CTNNA3: variants seen among roughly 807,000 people sequenced by gnomAD.
CTNNA3 encodes catenin alpha 3.
In CTNNA3, 76 loss-of-function variants were observed where a neutral mutation model predicts 95.7. The ratio of observed to expected loss-of-function variants is 0.79; its 90% CI spans 0.66 to 0.96. The LOEUF (loss-of-function observed/expected upper bound fraction) is 0.96, where lower values mean the gene tolerates loss of function less well. Ranked by LOEUF, CTNNA3 falls within the 40% of genes least tolerant of loss-of-function variation. The pLI is 0.00. For synonymous variants in CTNNA3, 431 were observed against 374.4 expected, an observed-to-expected ratio of 1.15 and a Z score of -1.74; for missense variants, 1,191 against 1,089.8, an observed-to-expected ratio of 1.09 and a Z score of -1.31.
chr10:67,119,086 GA>G (rs2131988411), intron 7 of CTNNA3, among the ~76,000 whole-genome samples: 1 of 151,992 alleles, frequency 6.6e-6, no homozygotes, highest in South Asian at 2.1e-4. Flanking sequence ...AAATACTAAT[GA>G]AAACATCAAT....
chr10:66,608,600 T>C (rs928475937), intron 10 of CTNNA3, among the ~76,000 whole-genome samples: 6 of 151,466 alleles, frequency 4.0e-5, no homozygotes, highest in Admixed American at 3.9e-4. Context: ...CAGAGACCAA[T>C]GGAATAGAAT....
chr10:66,825,278 T>A (rs1038503288), intron 7 of CTNNA3, among the ~76,000 whole-genome samples: 9 of 134,818 alleles, frequency 6.7e-5, no homozygotes, highest in African/African-American at 2.2e-4. Flanking sequence ...TACATATATA[T>A]ATATATTTTT....
intron 7 of CTNNA3, among the ~76,000 whole-genome samples, chr10:67,078,227 G>A (rs993216320): frequency 6.6e-6 from 1 of 152,162 alleles, no homozygotes; most frequent in African/African-American, 2.4e-5. Flanking sequence ...TGGGCATGAA[G>A]AGTGATCTTC....
At chr10:67,516,742 A>G (rs532471708) in intron 5 of CTNNA3, among the ~76,000 whole-genome samples, 1 of 152,118 alleles carries the variant, frequency 6.6e-6, no homozygotes, top group Non-Finnish European at 1.5e-5. Context: ...TGTACCTTTG[A>G]TCAATATCTA....
intron 7 of CTNNA3, among the ~76,000 whole-genome samples, chr10:66,816,067 T>C (rs1403090935): frequency 1.3e-5 from 2 of 152,244 alleles, no homozygotes; most frequent in Admixed American, 6.5e-5. Context: ...TGGGGGAAAA[T>C]GAATCTATAG....
At chr10:66,701,887 A>T (rs1473155543) in intron 9 of CTNNA3, among the ~76,000 whole-genome samples, 3 of 152,172 alleles carry the variant, frequency 2.0e-5, no homozygotes, top group Non-Finnish European at 4.4e-5. Flanking sequence ...TTTTATATGC[A>T]CCTTATACCC....
chr10:66,797,756 C>T (rs1222328642), intron 7 of CTNNA3, among the ~76,000 whole-genome samples: 1 of 151,882 alleles, frequency 6.6e-6, no homozygotes, highest in African/African-American at 2.4e-5. Context: ...CTTATTTCAT[C>T]TCTATTTGAA....
intron 1 of CTNNA3, among the ~76,000 whole-genome samples, chr10:67,682,650 A>G (rs1198357133): frequency 6.6e-6 from 1 of 152,224 alleles, no homozygotes. Context: ...GTACTCTTGA[A>G]TATTTCCAAT....
chr10:66,618,692 A>G (rs1844623750), intron 10 of CTNNA3, among the ~76,000 whole-genome samples: 1 of 152,174 alleles, frequency 6.6e-6, no homozygotes, highest in Admixed American at 6.5e-5. Flanking sequence ...ATGGCAACAA[A>G]AGCCAAAATT....
intron 12 of CTNNA3, among the ~76,000 whole-genome samples, chr10:66,336,755 G>T (rs1244004963): frequency 1.3e-5 from 2 of 152,010 alleles, no homozygotes. Flanking sequence ...AGTATAAACA[G>T]GGCCTAATTA....
intron 5 of CTNNA3, among the ~76,000 whole-genome samples, chr10:67,237,236 C>G (rs1323938262): frequency 6.9e-6 from 1 of 144,786 alleles, no homozygotes; most frequent in Admixed American, 7.2e-5. Flanking sequence ...TTGCAGCGAC[C>G]TGGATGAGAT....
At chr10:67,010,377 G>A (rs895582010) in intron 7 of CTNNA3, among the ~76,000 whole-genome samples, 4 of 151,940 alleles carry the variant, frequency 2.6e-5, no homozygotes, top group Non-Finnish European at 2.9e-5. Context: ...AATATAAAAG[G>A]GTTTATCATT....
Position 66,237,840 on chromosome 10 carries a change from T to C in CTNNA3, c.1884+42630A>G, listed in dbSNP as rs145457923. ...AAAGTCCATATCAATGCTTTGATAC[T>C]TGACATTATGGTACAGTGGGTTTAT... is the stretch of plus-strand genomic sequence containing the variant. On this transcript the variant is annotated intron_variant, in intron 13 of 17. Coordinates refer to ENST00000433211, the MANE Select transcript of CTNNA3 (RefSeq NM_013266.4). 8.6e-3 allele frequency among the ~76,000 whole-genome samples: 1,317 copies of C among 152,270 alleles called. 15 individuals are homozygous for C. The highest frequency in any genetic ancestry group is 0.03 in the African/African-American group (1,260 of 41,570).
chr10:66,228,375 TC>T (rs1384864284), intron 13 of CTNNA3, among the ~76,000 whole-genome samples: 2 of 152,082 alleles, frequency 1.3e-5, no homozygotes, highest in Non-Finnish European at 2.9e-5. Context: ...AATTTTCATT[TC>T]TTTGAAGAAA....
chr10:66,070,172 C>T (rs2080406075), intron 14 of CTNNA3, among the ~76,000 whole-genome samples: 1 of 152,046 alleles, frequency 6.6e-6, no homozygotes, highest in African/African-American at 2.4e-5. Context: ...TTAACTGACA[C>T]AAGTGCTATT....
chr10:66,613,370 C>T (rs1844396037), intron 10 of CTNNA3, among the ~76,000 whole-genome samples: 1 of 151,984 alleles, frequency 6.6e-6, no homozygotes, highest in Admixed American at 6.6e-5. Flanking sequence ...ACTCCCTGCC[C>T]CTGCCTCACC....
chr10:66,859,988 A>G (rs1347757566), intron 7 of CTNNA3, among the ~76,000 whole-genome samples: 3 of 117,134 alleles, frequency 2.6e-5, no homozygotes, highest in Admixed American at 9.7e-5. Flanking sequence ...GACACAGGAA[A>G]GGGAACATCA....
chr10:67,675,543 C>G (rs1840519820), intron 1 of CTNNA3, among the ~76,000 whole-genome samples: 1 of 152,108 alleles, frequency 6.6e-6, no homozygotes, highest in Non-Finnish European at 1.5e-5. Flanking sequence ...GGTGAAGGCT[C>G]AAAGTTGGCA....
chr10:67,240,030 TC>T (rs1315240223), intron 5 of CTNNA3, among the ~76,000 whole-genome samples: 2 of 152,158 alleles, frequency 1.3e-5, no homozygotes, highest in African/African-American at 4.8e-5. Context: ...GAAGCTACAT[TC>T]CTGCCCACAT....
Sources: gnomAD v4.1 joint callset for allele counts (sites outside exome capture counted in the v4.1 genomes callset) on GRCh38, gnomAD v4.1.1 for gene constraint, MANE v1.5 for transcripts, NCBI Gene and HGNC (gene_info 2026-07-23, HGNC 2026-07-21) for gene names.